Variants in ANO4 observed in about 807,000 individuals in gnomAD.
ANO4 encodes anoctamin 4.
ANO4 carries 69 observed loss-of-function variants against 141.9 expected under a neutral mutation model. The ratio of observed to expected loss-of-function variants is 0.49; its 90% confidence interval spans 0.40 to 0.59. The LOEUF is 0.59. Ranked by LOEUF, ANO4 falls within the 20% of genes least tolerant of loss-of-function variation. ANO4 has a pLI of 0.00. For missense variants in ANO4, 894 were observed against 1,162.2 expected, an observed-to-expected ratio of 0.77 and a Z score of 3.36; for synonymous variants, 350 against 394.3, an observed-to-expected ratio of 0.89 and a Z score of 1.33.
chr12:100,816,064 T>C (rs943118151), intron 1 of ANO4, among the ~76,000 whole-genome samples: 6 of 152,078 alleles, frequency 3.9e-5, no homozygotes, highest in African/African-American at 1.4e-4. Flanking sequence ...TTGTGTTCTT[T>C]AATTTCTTAA....
chr12:100,806,559 T>TTTTTTTTTTTC (rs2035065016), intron 1 of ANO4, among the ~76,000 whole-genome samples: 1 of 91,806 alleles, frequency 1.1e-5, no homozygotes. Flanking sequence ...TTTTTTTTTT[T>TTTTTTTTTTTC]TGTGAGACAG....
At chr12:100,828,195 C>A (rs1053585100) in intron 1 of ANO4, among the ~76,000 whole-genome samples, 8 of 152,014 alleles carry the variant, frequency 5.3e-5, no homozygotes, top group African/African-American at 1.9e-4. Flanking sequence ...TTCTTTTTAG[C>A]CTTTTGTGTA....
intron 14 of ANO4, chr12:101,068,857 G>T: frequency 1.1e-6 from 1 of 929,132 alleles, no homozygotes; most frequent in East Asian, 2.4e-5. Flanking sequence ...TAGGAAAGTA[G>T]AGGGTTGAAT....
chr12:100,795,736 G>A (rs2034267943), intron 1 of ANO4, among the ~76,000 whole-genome samples: 1 of 152,282 alleles, frequency 6.6e-6, no homozygotes, highest in Admixed American at 6.5e-5. Context: ...TTTTTGAGTT[G>A]ACAACATAGT....
chr12:100,798,989 G>T (rs1331263432), intron 1 of ANO4, among the ~76,000 whole-genome samples: 1 of 152,178 alleles, frequency 6.6e-6, no homozygotes, highest in Non-Finnish European at 1.5e-5. Flanking sequence ...TCCCCCACAG[G>T]GGACCTCCTC....
At position 101,094,762 on chromosome 12, in the gene ANO4, G is replaced by A. The variant is rs1386482793; in HGVS notation, c.1738+470G>A. On this transcript the variant is annotated intron_variant, in intron 18 of 27. Coordinates refer to ENST00000392977, the MANE Select transcript of ANO4 (RefSeq NM_001286615.2). Reference sequence around the variant, plus strand: ...GCACTTTGGGAAGCTTTGGCAGGAGGATTCCTTGAGTCCAGGAGTTCAAGA... The same window carrying A: ...GCACTTTGGGAAGCTTTGGCAGGAGAATTCCTTGAGTCCAGGAGTTCAAGA... Among the ~76,000 whole-genome samples the A allele has an allele frequency of 4.6e-5, 7 of 152,082 alleles. No homozygotes were observed. The East Asian group carries it at 1.3e-3, about 29-fold the overall frequency.
At chr12:100,827,602 A>G (rs1409560091) in intron 1 of ANO4, among the ~76,000 whole-genome samples, 1 of 151,998 alleles carries the variant, frequency 6.6e-6, no homozygotes, top group Non-Finnish European at 1.5e-5. Flanking sequence ...AATGAATGGA[A>G]TTATGTTAAC....
chr12:100,858,552 T>G (rs539099591), intron 1 of ANO4, among the ~76,000 whole-genome samples: 1 of 152,260 alleles, frequency 6.6e-6, no homozygotes, highest in South Asian at 2.1e-4. Flanking sequence ...TTCCCTCAAT[T>G]TAAAAAAATC....
intron 2 of ANO4, among the ~76,000 whole-genome samples, chr12:100,917,315 C>A (rs888654903): frequency 6.6e-6 from 1 of 152,068 alleles, no homozygotes; most frequent in South Asian, 2.1e-4. Context: ...CCCAGTGGGG[C>A]TGTATTTTAA....
intron 3 of ANO4, among the ~76,000 whole-genome samples, chr12:100,765,112 C>G (rs997374633): frequency 6.6e-6 from 1 of 152,106 alleles, no homozygotes; most frequent in Non-Finnish European, 1.5e-5. Context: ...TGGAAGGTTT[C>G]GATTGCTGAT....
intron 3 of ANO4, among the ~76,000 whole-genome samples, chr12:100,935,350 CAT>C (rs200986849): frequency 0.039 from 5,881 of 152,216 alleles, 157 homozygotes; most frequent in Non-Finnish European, 0.056. Flanking sequence ...TTGAGATAAT[CAT>C]GTGTTTTTTG....
intron 11 of ANO4, among the ~76,000 whole-genome samples, chr12:101,040,691 G>T (rs549696572): frequency 3.3e-5 from 5 of 152,160 alleles, no homozygotes; most frequent in South Asian, 2.1e-4. Context: ...TGCCATGGTG[G>T]TTTGCTGCAC....
intron 3 of ANO4, among the ~76,000 whole-genome samples, chr12:100,769,218 A>G (rs780685687): frequency 3.9e-5 from 6 of 152,258 alleles, no homozygotes; most frequent in Non-Finnish European, 8.8e-5. Context: ...TTCCTCATCA[A>G]GGATGAAAGA....
chr12:100,770,631 T>C (rs906695067), intron 3 of ANO4, among the ~76,000 whole-genome samples: 4 of 152,142 alleles, frequency 2.6e-5, no homozygotes, highest in Admixed American at 6.5e-5. Context: ...ACCTCTTGCA[T>C]TGAAGGAGGT....
At chr12:101,035,414 A>G (rs2047154022) in intron 9 of ANO4, among the ~76,000 whole-genome samples, 1 of 152,152 alleles carries the variant, frequency 6.6e-6, no homozygotes, top group Admixed American at 6.5e-5. Context: ...GCATGATAAA[A>G]CTTTGGAGGC....
intron 26 of ANO4, among the ~76,000 whole-genome samples, chr12:101,121,227 C>T (rs1177307609): frequency 2.6e-5 from 4 of 152,020 alleles, no homozygotes; most frequent in East Asian, 1.9e-4. Flanking sequence ...TCCCCTCCCC[C>T]TCTCCCCTCT....
intron 15 of ANO4, among the ~76,000 whole-genome samples, chr12:101,080,883 T>TATATTA (rs1491584060): frequency 3.9e-4 from 29 of 74,100 alleles, no homozygotes; most frequent in African/African-American, 9.4e-4. Flanking sequence ...TATATATATA[T>TATATTA]TATATATATA....
chr12:100,910,415 A>G (rs558697471), intron 2 of ANO4, among the ~76,000 whole-genome samples: 1 of 152,166 alleles, frequency 6.6e-6, no homozygotes, highest in African/African-American at 2.4e-5. Flanking sequence ...TTCATCTTGT[A>G]TTTGTATGGT....
At chr12:101,109,839 A>G (rs929195965) in intron 22 of ANO4, among the ~76,000 whole-genome samples, 8 of 152,106 alleles carry the variant, frequency 5.3e-5, no homozygotes, top group African/African-American at 1.9e-4. Context: ...AGGAAGAGCC[A>G]CCCCTTATCT....
Sources: allele counts gnomAD v4.1 joint callset (sites outside exome capture counted in the v4.1 genomes callset), GRCh38; gene constraint gnomAD v4.1.1; transcripts MANE v1.5; gene names NCBI Gene and HGNC (gene_info 2026-07-23, HGNC 2026-07-21).